PRKCH: variants seen among roughly 807,000 people sequenced by gnomAD.
PRKCH encodes the protein protein kinase C eta, also known as protein kinase C eta type.
In PRKCH, 28 loss-of-function variants were observed where a neutral mutation model predicts 82.5. The ratio of observed to expected loss-of-function variants is 0.34; its 90% CI spans 0.25 to 0.47. The LOEUF (loss-of-function observed/expected upper bound fraction) is 0.47. Among genes scored for constraint, PRKCH ranks in the 20% least tolerant of loss-of-function variants. The pLI, the probability that PRKCH is intolerant of heterozygous loss-of-function variation, is 1.00. For synonymous variants in PRKCH, 322 were observed against 327.4 expected (o/e 0.98, Z 0.18); for missense variants, 705 against 881.8 (o/e 0.80, Z 2.54).
At chr14:61,440,635 G>A (rs1883913322) in intron 2 of PRKCH, among the ~76,000 whole-genome samples, 2 of 152,172 alleles carry the variant, frequency 1.3e-5, no homozygotes, top group Admixed American at 1.3e-4. Context: ...CAGCACTTTG[G>A]GAGGCTGAGG....
intron 1 of PRKCH, among the ~76,000 whole-genome samples, chr14:61,309,496 G>A (rs541214193): frequency 3.5e-4 from 53 of 152,290 alleles, no homozygotes; most frequent in Non-Finnish European, 6.3e-4. Flanking sequence ...TTTGCAATGC[G>A]CTTTAAATTC....
chr14:61,255,267 T>A (rs747402517), intron 1 of PRKCH, among the ~76,000 whole-genome samples: 33 of 152,196 alleles, frequency 2.2e-4, no homozygotes, highest in Middle Eastern at 3.2e-3. Flanking sequence ...AGGTTTGTGT[T>A]GTTATTTATA....
At chr14:61,319,476 T>C (rs190824703), upstream of PRKCH, among the ~76,000 whole-genome samples, 2 of 152,218 alleles carry the variant, frequency 1.3e-5, no homozygotes, top group Non-Finnish European at 2.9e-5. Flanking sequence ...TAGGTACTGA[T>C]AGGGTGAAGA....
intron 2 of PRKCH, among the ~76,000 whole-genome samples, chr14:61,436,845 T>A (rs926359445): frequency 6.6e-6 from 1 of 152,254 alleles, no homozygotes; most frequent in African/African-American, 2.4e-5. Flanking sequence ...CTGCCATTTT[T>A]AAATACCAAA....
intron 9 of PRKCH, among the ~76,000 whole-genome samples, chr14:61,464,675 A>G (rs1454220624): frequency 1.3e-5 from 2 of 152,128 alleles, no homozygotes; most frequent in East Asian, 3.9e-4. Context: ...GCTGAGAATG[A>G]TGGTTTCCAG....
intron 2 of PRKCH, among the ~76,000 whole-genome samples, chr14:61,393,467 G>T (rs1488715579): frequency 6.6e-6 from 1 of 152,166 alleles, no homozygotes; most frequent in Non-Finnish European, 1.5e-5. Context: ...GCCAGTGTGA[G>T]GTTTCAGTAG....
At chr14:61,263,846 ATT>A (rs2045071353) in intron 1 of PRKCH, among the ~76,000 whole-genome samples, 1 of 123,462 alleles carries the variant, frequency 8.1e-6, no homozygotes, top group Admixed American at 8.7e-5. Flanking sequence ...AAGTCAGAGT[ATT>A]GTGTGTGTGT....
At chr14:61,258,087 T>C (rs928216083) in intron 1 of PRKCH, among the ~76,000 whole-genome samples, 1 of 152,106 alleles carries the variant, frequency 6.6e-6, no homozygotes, top group Non-Finnish European at 1.5e-5. Context: ...TAATTTTCAA[T>C]AAAAACTCGC....
At chr14:61,254,281 T>C (rs2044977046) in intron 1 of PRKCH, among the ~76,000 whole-genome samples, 1 of 152,140 alleles carries the variant, frequency 6.6e-6, no homozygotes. Context: ...TATTGATTTA[T>C]GCCTTTCCAA....
intron 1 of PRKCH, among the ~76,000 whole-genome samples, chr14:61,301,454 G>T (rs893042186): frequency 6.6e-6 from 1 of 152,174 alleles, no homozygotes; most frequent in Non-Finnish European, 1.5e-5. Context: ...TTATATTTAA[G>T]ATTTAAAATG....
At chr14:61,230,464 T>A (rs1009827855) in intron 1 of PRKCH, among the ~76,000 whole-genome samples, 1 of 152,234 alleles carries the variant, frequency 6.6e-6, no homozygotes, top group Non-Finnish European at 1.5e-5. Context: ...AGGGAAAAAC[T>A]GTAATGTGCA....
intron 10 of PRKCH, among the ~76,000 whole-genome samples, chr14:61,517,072 T>C (rs1246253726): frequency 6.6e-6 from 1 of 152,166 alleles, no homozygotes; most frequent in African/African-American, 2.4e-5. Context: ...GTGGCCACAG[T>C]ACTGATTCTA....
chr14:61,547,760 C>T lies in PRKCH; in HGVS notation c.1779C>T (p.Pro593=). ...GILKSFMTKN[P]TMRLGSLTQG... ...TCACTCAGTTCATGACCAAGAACCC[C>T]ACCATGCGCTTGGGCAGCCTGACTC... Residue 593 remains proline, a synonymous_variant, in exon 13 of 14, where the codon CCC becomes CCT. Coordinates refer to ENST00000332981, the MANE Select transcript of PRKCH (RefSeq NM_006255.5). The T allele has an allele frequency of 6.2e-7, 1 of 1,614,016 alleles. No individual in the cohort carries two copies. The highest frequency in any genetic ancestry group is 8.5e-7 in the Non-Finnish European group (1 of 1,179,960).
chr14:61,387,442 C>G (rs1334803643), intron 1 of PRKCH, among the ~76,000 whole-genome samples: 2 of 152,176 alleles, frequency 1.3e-5, no homozygotes, highest in East Asian at 1.9e-4. Context: ...GATGTACTAG[C>G]TAGAGACAGT....
At chr14:61,264,770 C>A (rs931914607) in intron 1 of PRKCH, among the ~76,000 whole-genome samples, 1 of 152,144 alleles carries the variant, frequency 6.6e-6, no homozygotes, top group African/African-American at 2.4e-5. Context: ...CTTCAGGGCT[C>A]GCTGATTTCA....
At chr14:61,322,875 C>T (rs530206613) in intron 1 of PRKCH, 39 of 179,748 alleles carry the variant, frequency 2.2e-4, no homozygotes, top group Admixed American at 1.8e-3. Context: ...AGGAGAAAGC[C>T]GTACATTCTC....
At chr14:61,279,838 C>T (rs943069378) in intron 1 of PRKCH, 3 of 496,120 alleles carry the variant, frequency 6.0e-6, no homozygotes, top group African/African-American at 3.9e-5. Flanking sequence ...CCTCACATGG[C>T]AACTCAGTGT....
At chr14:61,246,362 C>G (rs188980572) in intron 1 of PRKCH, among the ~76,000 whole-genome samples, 1 of 150,094 alleles carries the variant, frequency 6.7e-6, no homozygotes, top group East Asian at 2.0e-4. Context: ...GAGCCAAGAT[C>G]GACCCACTGC....
At position 61,367,309 on chromosome 14, in the gene PRKCH, G is replaced by A. The variant is rs150311112; in HGVS notation, c.364-23916G>A. ...AATGTCCTCAGAGGACACGAACCCT[G>A]GAAAACAAGTATGAGATGATACTAC... On this transcript the variant is annotated intron_variant, in intron 1 of 13. Transcript: ENST00000332981. Among the ~76,000 whole-genome samples the A allele has an allele frequency of 2.5e-3, 378 of 151,986 alleles. 3 individuals are homozygous for A. The highest frequency in any genetic ancestry group is 8.2e-3 in the African/African-American group (339 of 41,334).
Sources: allele counts gnomAD v4.1 joint callset (sites outside exome capture counted in the v4.1 genomes callset), GRCh38; gene constraint gnomAD v4.1.1; transcripts MANE v1.5; gene names NCBI Gene and HGNC (gene_info 2026-07-23, HGNC 2026-07-21).